Variants in WARS1 observed in about 807,000 individuals in gnomAD.
WARS1 encodes tryptophanyl-tRNA synthetase 1, also known as tryptophan--tRNA ligase, cytoplasmic.
Under a neutral mutation model 47.8 loss-of-function variants are expected in WARS1, and 17 were observed. That is an observed-to-expected ratio of 0.36 (90% CI 0.24 to 0.53). WARS1 has a LOEUF of 0.53. Among genes scored for constraint, WARS1 ranks in the 20% least tolerant of loss-of-function variants. The probability of loss-of-function intolerance (pLI) is 0.91; values close to 1 mark genes in which losing one functional copy is unlikely to be tolerated. For missense variants in WARS1, 434 were observed against 608.0 expected, an observed-to-expected ratio of 0.71 and a Z score of 3.01; for synonymous variants, 208 against 228.1, an observed-to-expected ratio of 0.91 and a Z score of 0.79.
intron 2 of WARS1, chr14:100,367,056 A>AT: frequency 1.4e-6 from 1 of 712,758 alleles, no homozygotes. Context: ...ATTAAAAAAA[A>AT]AAATCTCAGA....
Position 100,365,124 on chromosome 14 carries a change from TACACACACACAC to T in WARS1, c.100-3215_100-3204del, listed in dbSNP as rs59205319. On this transcript the variant is annotated intron_variant, in intron 2 of 10. Transcript: ENST00000392882. ...AAGAGCGAGACCCTGTCTCAAAAAA[TACACACACACAC>T]ACACACACACACACACACACACACA... Among the ~76,000 whole-genome samples the T allele has an allele frequency of 6.4e-4, 88 of 137,846 alleles. 1 individual carries two copies. The highest frequency in any genetic ancestry group is 3.6e-3 in the Middle Eastern group (1 of 278). 90.4% of individuals were successfully genotyped at this position (137,846 alleles called of 152,430 possible). A position where few individuals can be genotyped will look rare whatever the true frequency, so the allele number is the denominator to read the frequency against.
At position 100,350,118 on chromosome 14, in the gene WARS1, C is replaced by T. The variant is rs543345179; in HGVS notation, c.726-3272G>A. On this transcript the variant is annotated intron_variant, in intron 6 of 10. Coordinates refer to ENST00000392882, the MANE Select transcript of WARS1 (RefSeq NM_004184.4). Reference sequence around the variant, plus strand: ...TGTTTGTAAGAAAAAAGGAAGTTCCCGACCAGGTGCAGTGGCTCACGCATC... The same window carrying T: ...TGTTTGTAAGAAAAAAGGAAGTTCCTGACCAGGTGCAGTGGCTCACGCATC... Among the ~76,000 whole-genome samples, 6 of 152,144 alleles carry T rather than the reference C, an allele frequency of 3.9e-5. No homozygotes were observed. In the South Asian group the frequency reaches 6.2e-4, roughly 16 times the overall value.
In WARS1 at chr14:100,334,933, G is replaced by A. The variant is rs765377416; in HGVS notation, c.1358C>T (p.Thr453Met). The A allele has an allele frequency of 5.6e-6, 9 of 1,614,006 alleles. No individual in the cohort carries two copies. Among genetic ancestry groups the A allele is most frequent in the Non-Finnish European group, 7.6e-6 (9 of 1,180,034 alleles). ...AEHQARRKEV[T>M]DEIVKEFMTP... ...CATGAACTCTTTCACTATCTCATCC[G>A]TGACCTCCTTGCGCCGGGCCTGGTG... Residue 453 changes from threonine to methionine, a missense_variant, in exon 11 of 11, where the codon ACG becomes ATG. Thr to Met is a moderately conservative substitution (Grantham distance 81). Around this residue, in one of 2 missense-constraint regions of WARS1, gnomAD observed 347 missense variants for 523.8 expected, o/e 0.66. Transcript: ENST00000392882.
intron 6 of WARS1, among the ~76,000 whole-genome samples, chr14:100,348,865 G>T (rs1459089378): frequency 6.6e-6 from 1 of 152,234 alleles, no homozygotes; most frequent in Admixed American, 6.5e-5. Flanking sequence ...TAGAAGACTG[G>T]TCATTACTTG....
chr14:100,367,713 A>G (rs1896093006), intron 2 of WARS1, among the ~76,000 whole-genome samples: 1 of 152,070 alleles, frequency 6.6e-6, no homozygotes, highest in African/African-American at 2.4e-5. Context: ...AAAAGAAAAA[A>G]CAAAGGAATG....
At chr14:100,341,733 C>T (rs1280903317) in intron 9 of WARS1, among the ~76,000 whole-genome samples, 1 of 152,252 alleles carries the variant, frequency 6.6e-6, no homozygotes, top group Non-Finnish European at 1.5e-5. Flanking sequence ...CTGCTGCATG[C>T]ATCCCTCCTG....
intron 6 of WARS1, among the ~76,000 whole-genome samples, chr14:100,351,720 G>A (rs959639603): frequency 6.6e-5 from 10 of 152,104 alleles, no homozygotes; most frequent in African/African-American, 1.9e-4. Context: ...GGTGCTGGGC[G>A]TGGTGGCTCA....
intron 8 of WARS1, 116 bp downstream of exon 8, chr14:100,343,159 G>A: frequency 1.2e-6 from 1 of 832,264 alleles, no homozygotes; most frequent in Non-Finnish European, 1.8e-6. Context: ...TTACAGGCGT[G>A]AGCCACCCTG....
chr14:100,370,782 GA>G lies in WARS1; in HGVS notation c.-73-1525del, dbSNP rs34312584. Among the ~76,000 whole-genome samples the G allele has an allele frequency of 5.0e-4, 73 of 145,830 alleles. 1 individual carries two copies. The East Asian group carries it at 8.7e-3, about 17-fold the overall frequency. ...GTATAGTGAGACTCTACAAAAAAATGAAAAAAAAAAAAATTAGCTGGGCATG... is the reference window on the plus strand; with the variant it reads ...GTATAGTGAGACTCTACAAAAAAATGAAAAAAAAAAAATTAGCTGGGCATG... On this transcript the variant is annotated intron_variant, in intron 1 of 10. Coordinates refer to ENST00000392882, the MANE Select transcript of WARS1 (RefSeq NM_004184.4).
At chr14:100,342,716 T>A in intron 8 of WARS1, 145 bp from the exon 9 acceptor site, 10 of 292,798 alleles carry the variant, frequency 3.4e-5, no homozygotes, top group East Asian at 7.4e-5. Context: ...CATCTTTTCC[T>A]TTTTTTTTTT....
At chr14:100,348,459 G>A (rs577249045) in intron 6 of WARS1, among the ~76,000 whole-genome samples, 9 of 152,266 alleles carry the variant, frequency 5.9e-5, no homozygotes, top group South Asian at 4.1e-4. Context: ...TGGAGAGGGC[G>A]GGCGCAGTAC....
At chr14:100,359,580 T>C (rs886272887) in intron 4 of WARS1, among the ~76,000 whole-genome samples, 2 of 152,062 alleles carry the variant, frequency 1.3e-5, no homozygotes, top group Non-Finnish European at 2.9e-5. Flanking sequence ...CTTGTGGGAG[T>C]TATTGATATC....
rs1031172211 is a variant in WARS1, at chr14:100,334,223, G to C, written c.*652C>G. 2.0e-5 allele frequency: 3 copies of C among 152,630 alleles called. No individual in the cohort carries two copies. The highest frequency in any genetic ancestry group is 1.3e-4 in the Admixed American group (2 of 15,288). 9.5% of individuals were successfully genotyped at this position (152,630 alleles called of 1,614,324 possible). On this transcript the variant is annotated 3_prime_UTR_variant, in exon 11 of 11. Transcript: ENST00000392882. ...TGGAGTGGACTACATGCATGGTCTG[G>C]AGTTCAGTAAACTGGAAAGTTTCAC...
intron 1 of WARS1, among the ~76,000 whole-genome samples, chr14:100,372,941 A>G (rs1022850283): frequency 6.0e-4 from 92 of 152,230 alleles, no homozygotes; most frequent in African/African-American, 2.2e-3. Context: ...TATCTTTCCA[A>G]TTTGAACCTC....
intron 9 of WARS1, among the ~76,000 whole-genome samples, chr14:100,341,201 C>CT (rs1250049764): frequency 6.6e-6 from 1 of 152,190 alleles, no homozygotes; most frequent in Non-Finnish European, 1.5e-5. Context: ...TAGGTGTGAG[C>CT]TATCGCACCT....
intron 7 of WARS1, 23 bp from the exon 8 acceptor site, chr14:100,343,410 T>C: frequency 6.3e-7 from 1 of 1,580,506 alleles, no homozygotes; most frequent in Non-Finnish European, 8.6e-7. Context: ...AAAAGTATTT[T>C]TACACGTGAG....
At chr14:100,358,448 A>G (rs1462895171) in intron 4 of WARS1, among the ~76,000 whole-genome samples, 2 of 152,204 alleles carry the variant, frequency 1.3e-5, no homozygotes, top group East Asian at 3.8e-4. Context: ...AGTCTTTTCA[A>G]AAAACAGTGC....
At chr14:100,342,625 C>T (rs1894246832) in intron 8 of WARS1, 54 bp from the exon 9 acceptor site, 6 of 1,514,918 alleles carry the variant, frequency 4.0e-6, no homozygotes, top group African/African-American at 2.8e-5. Context: ...TGCCAGCTTT[C>T]AGCCATGAGC....
intron 7 of WARS1, among the ~76,000 whole-genome samples, chr14:100,346,139 G>A (rs1323590022): frequency 6.6e-6 from 1 of 151,074 alleles, no homozygotes; most frequent in Non-Finnish European, 1.5e-5. Context: ...AAAAGTCTAC[G>A]AAGCCAATGC....
Sources: allele counts gnomAD v4.1 joint callset (sites outside exome capture counted in the v4.1 genomes callset), GRCh38; gene constraint gnomAD v4.1.1; regional missense constraint gnomAD v4.1.1; transcripts MANE v1.5; gene names NCBI Gene and HGNC (gene_info 2026-07-23, HGNC 2026-07-21).